The following HS2ST1 variants were observed in gnomAD, a reference collection of about 807,000 sequenced individuals.
HS2ST1 encodes the protein heparan sulfate 2-O-sulfotransferase 1.
In HS2ST1, 18 loss-of-function variants were observed where a neutral mutation model predicts 42.9. The observed-to-expected ratio is 0.42, with a 90% CI of 0.29 to 0.62. The LOEUF is 0.62. HS2ST1 is among the 20% of genes least tolerant of loss of function. The pLI is 0.21. For missense variants in HS2ST1, 334 were observed against 433.8 expected (o/e 0.77, Z 2.04); for synonymous variants, 146 against 152.9 (o/e 0.95, Z 0.33).
At chr1:87,005,721 A>G (rs1214523871) in intron 1 of HS2ST1, among the ~76,000 whole-genome samples, 1 of 152,190 alleles carries the variant, frequency 6.6e-6, no homozygotes, top group East Asian at 1.9e-4. Flanking sequence ...CCTAAATTAT[A>G]ATTACATAGT....
chr1:86,996,724 A>G (rs1649113610), intron 1 of HS2ST1, among the ~76,000 whole-genome samples: 1 of 152,224 alleles, frequency 6.6e-6, no homozygotes, highest in Admixed American at 6.5e-5. Context: ...TTGGAATTCC[A>G]TAGACTTGGG....
chr1:87,061,120 TACTC>T (rs561357537), intron 1 of HS2ST1, among the ~76,000 whole-genome samples: 115 of 152,290 alleles, frequency 7.6e-4, no homozygotes, highest in African/African-American at 2.5e-3. Context: ...TACATGAAGA[TACTC>T]AATAAATATT....
chr1:86,968,588 A>G (rs1648132939), intron 1 of HS2ST1, among the ~76,000 whole-genome samples: 1 of 151,856 alleles, frequency 6.6e-6, no homozygotes, highest in African/African-American at 2.4e-5. Flanking sequence ...GACTTTTTGT[A>G]GAAATGAGGT....
At chr1:86,937,801 T>C (rs956144333) in intron 1 of HS2ST1, among the ~76,000 whole-genome samples, 13 of 152,126 alleles carry the variant, frequency 8.5e-5, no homozygotes, top group Non-Finnish European at 1.5e-5. Flanking sequence ...TATATTGATT[T>C]CTTTAGGTAC....
intron 1 of HS2ST1, among the ~76,000 whole-genome samples, chr1:86,943,547 C>T (rs1647227223): frequency 1.3e-5 from 2 of 151,758 alleles, no homozygotes; most frequent in Non-Finnish European, 2.9e-5. Flanking sequence ...CATGGCAAAA[C>T]GTTGTCTCTA....
intron 1 of HS2ST1, among the ~76,000 whole-genome samples, chr1:87,018,301 A>T (rs952204427): frequency 6.6e-6 from 1 of 152,204 alleles, no homozygotes; most frequent in African/African-American, 2.4e-5. Flanking sequence ...TACTGACACA[A>T]TGCCATTAAA....
chr1:87,003,050 C>A (rs11161922), intron 1 of HS2ST1, among the ~76,000 whole-genome samples: 1 of 152,230 alleles, frequency 6.6e-6, no homozygotes, highest in Non-Finnish European at 1.5e-5. Flanking sequence ...GTGTGGCCCA[C>A]GCCCTGATGG....
chr1:86,918,558 C>G (rs1000520025), intron 1 of HS2ST1, among the ~76,000 whole-genome samples: 20 of 151,838 alleles, frequency 1.3e-4, no homozygotes, highest in Non-Finnish European at 2.5e-4. Context: ...TAGGAAACAT[C>G]CTTATGTGTC....
At chr1:87,017,564 C>A (rs1258550410) in intron 1 of HS2ST1, among the ~76,000 whole-genome samples, 1 of 152,132 alleles carries the variant, frequency 6.6e-6, no homozygotes, top group Non-Finnish European at 1.5e-5. Flanking sequence ...GCTTGATAGG[C>A]ATAGTAAGAG....
chr1:86,950,650 G>T (rs1243908251), intron 1 of HS2ST1, among the ~76,000 whole-genome samples: 1 of 152,166 alleles, frequency 6.6e-6, no homozygotes, highest in Non-Finnish European at 1.5e-5. Flanking sequence ...ATGTCATGAT[G>T]CTGCAAGTAA....
chr1:87,010,276 T>C (rs944530850), intron 1 of HS2ST1, among the ~76,000 whole-genome samples: 2 of 152,036 alleles, frequency 1.3e-5, no homozygotes, highest in Non-Finnish European at 2.9e-5. Flanking sequence ...ATCCCTACTG[T>C]TTATGGCAGA....
chr1:86,964,213 A>G (rs1390933147), intron 1 of HS2ST1, among the ~76,000 whole-genome samples: 3 of 145,376 alleles, frequency 2.1e-5, no homozygotes, highest in Admixed American at 6.8e-5. Flanking sequence ...AGGCAAAGAC[A>G]CTCCTCACTT....
chr1:87,045,101 T>G (rs1650614891), intron 1 of HS2ST1: 1 of 939,660 alleles, frequency 1.1e-6, no homozygotes, highest in Admixed American at 1.8e-5. Flanking sequence ...GAACATCATC[T>G]TGCTCTTGAG....
intron 1 of HS2ST1, among the ~76,000 whole-genome samples, chr1:87,049,147 G>A (rs751152855): frequency 2.0e-5 from 3 of 151,802 alleles, no homozygotes; most frequent in South Asian, 2.1e-4. Flanking sequence ...TGTGAGCTTC[G>A]TTAATTTTTG....
In HS2ST1 at chr1:87,084,727, T is replaced by G. The variant is rs536613825; in HGVS notation, c.449+448T>G. Among the ~76,000 whole-genome samples the G allele has an allele frequency of 3.9e-5, 6 of 152,248 alleles. No homozygotes were observed. The East Asian group carries it at 1.2e-3, about 29-fold the overall frequency. ...CTACCTTATTTTAGCTTTAAAATTA[T>G]GATGTATTACGAGGCTTTTTTAAAA... On this transcript the variant is annotated intron_variant, in intron 3 of 6. Transcript: ENST00000370550.
At chr1:86,997,506 A>AAG (rs397750475) in intron 1 of HS2ST1, among the ~76,000 whole-genome samples, 1 of 872 alleles carries the variant, frequency 1.1e-3, no homozygotes, top group Non-Finnish European at 3.2e-3. Flanking sequence ...GCTAAAGATG[A>AAG]GAGAATTTGT....
chr1:87,079,540 A>G lies in HS2ST1; in HGVS notation c.364-4654A>G, dbSNP rs139777467. Reference sequence around the variant, plus strand: ...ACACTTTTTTCTTCGTCATAAAGAGAAGGTAAACCTCAGTTCAGCATCTTT... The same window carrying G: ...ACACTTTTTTCTTCGTCATAAAGAGGAGGTAAACCTCAGTTCAGCATCTTT... On this transcript the variant is annotated intron_variant, in intron 2 of 6. Transcript: ENST00000370550. Among the ~76,000 whole-genome samples, 261 of 152,338 alleles carry G rather than the reference A, an allele frequency of 1.7e-3. 2 individuals carry two copies. The highest frequency in any genetic ancestry group is 5.8e-3 in the African/African-American group (241 of 41,580).
intron 1 of HS2ST1, chr1:87,046,361 A>T (rs906294394): frequency 2.6e-6 from 2 of 757,212 alleles, no homozygotes; most frequent in African/African-American, 3.4e-5. Context: ...CAAAGTACTT[A>T]AGAAGTATCT....
rs539549432 is a variant in HS2ST1, at chr1:86,971,402, C to T, written c.124+56242C>T. Among the ~76,000 whole-genome samples, 14 of 152,296 alleles carry T rather than the reference C, an allele frequency of 9.2e-5. No homozygotes were observed. The East Asian group carries it at 2.7e-3, about 29-fold the overall frequency. ...GTCTTTCCAATAAAACGGACCACCTCCTTCTTACTCTTATTTTTAATTTCT... is the reference window on the plus strand; with the variant it reads ...GTCTTTCCAATAAAACGGACCACCTTCTTCTTACTCTTATTTTTAATTTCT... On this transcript the variant is annotated intron_variant, in intron 1 of 6. Coordinates refer to ENST00000370550, the MANE Select transcript of HS2ST1 (RefSeq NM_012262.4).
Sources: gnomAD v4.1 joint callset for allele counts (sites outside exome capture counted in the v4.1 genomes callset) on GRCh38, gnomAD v4.1.1 for gene constraint, MANE v1.5 for transcripts, NCBI Gene and HGNC (gene_info 2026-07-23, HGNC 2026-07-21) for gene names.